The following ZNF189 variants were observed in gnomAD, a reference collection of about 807,000 sequenced individuals.
The protein encoded by ZNF189 is zinc finger protein 189.
ZNF189 carries 33 observed loss-of-function variants against 53.5 expected under a neutral mutation model. The observed-to-expected ratio is 0.62, with a 90% CI of 0.47 to 0.82. The LOEUF (loss-of-function observed/expected upper bound fraction) is 0.82, where lower values mean the gene tolerates loss of function less well. Among genes scored for constraint, ZNF189 ranks in the 40% least tolerant of loss-of-function variants. ZNF189 has a pLI of 0.00. For missense variants in ZNF189, 711 were observed against 753.9 expected (o/e 0.94, Z 0.67); for synonymous variants, 247 against 238.8 (o/e 1.03, Z -0.32).
At chr9:101,402,179 G>GT (rs1830562108) in intron 2 of ZNF189, among the ~76,000 whole-genome samples, 1 of 151,816 alleles carries the variant, frequency 6.6e-6, no homozygotes. Context: ...GCCTCCCAAA[G>GT]TGCTGGGATT....
intron 2 of ZNF189, among the ~76,000 whole-genome samples, chr9:101,400,327 A>T (rs944593163): frequency 6.6e-6 from 1 of 151,816 alleles, no homozygotes; most frequent in Non-Finnish European, 1.5e-5. Flanking sequence ...GTCTTCACAT[A>T]ATGTTCCTTC....
chr9:101,409,764 C>A lies in ZNF189; in HGVS notation c.*115C>A. 8.3e-7 allele frequency: 1 copy of A among 1,200,172 alleles called. No individual in the cohort carries two copies. Among genetic ancestry groups the A allele is most frequent in the Non-Finnish European group, 1.1e-6 (1 of 885,036 alleles). The allele number at this position is 1,200,172 out of a possible 1,614,324, so 74.3% of individuals were successfully genotyped here. A position where few individuals can be genotyped will look rare whatever the true frequency, so the allele number is the denominator to read the frequency against. ...AAAGCAAATTCTCCTTGGCCTCAGG[C>A]AAATAGTTTCTAAAGATTCTGTGAA... On this transcript the variant is annotated 3_prime_UTR_variant, in exon 3 of 3. Coordinates refer to ENST00000339664, the MANE Select transcript of ZNF189 (RefSeq NM_003452.4).
intron 2 of ZNF189, among the ~76,000 whole-genome samples, chr9:101,406,327 T>C (rs556937221): frequency 6.6e-6 from 1 of 151,712 alleles, no homozygotes; most frequent in Admixed American, 6.6e-5. Context: ...CAATAGAGAG[T>C]GTGTATTGAA....
rs1168641175 is a variant in ZNF189 at position 101,410,293 on chromosome 9, A to T, written c.*644A>T. The T allele has an allele frequency of 6.6e-6, 1 of 152,628 alleles. No homozygotes were observed. Among genetic ancestry groups the T allele is most frequent in the African/African-American group, 2.4e-5 (1 of 41,444 alleles). 9.5% of individuals were successfully genotyped at this position (152,628 alleles called of 1,614,324 possible). On this transcript the variant is annotated 3_prime_UTR_variant, in exon 3 of 3. Coordinates refer to ENST00000339664, the MANE Select transcript of ZNF189 (RefSeq NM_003452.4). ...AAACCTAACAAAGGTGTTACCAAGGAACCTTTGGGAGTGCCTTTTTTGTTT... is the reference window on the plus strand; with the variant it reads ...AAACCTAACAAAGGTGTTACCAAGGTACCTTTGGGAGTGCCTTTTTTGTTT...
Position 101,409,727 on chromosome 9 carries a change from A to C in ZNF189, c.*78A>C. 2.7e-6 allele frequency: 4 copies of C among 1,467,984 alleles called. No individual in the cohort carries two copies. In the East Asian group the frequency reaches 9.3e-5, roughly 34 times the overall value. 90.9% of individuals were successfully genotyped at this position (1,467,984 alleles called of 1,614,324 possible). ...GTTTTAGTATGGCTCAACATGGGTC[A>C]GATTTAGTGATAAAGCAAATTCTCC... On this transcript the variant is annotated 3_prime_UTR_variant, in exon 3 of 3. Transcript: ENST00000339664.
intron 2 of ZNF189, 69 bp from the exon 3 acceptor site, chr9:101,407,860 C>T (rs1830770423): frequency 1.4e-6 from 2 of 1,395,848 alleles, no homozygotes; most frequent in African/African-American, 2.9e-5. Flanking sequence ...TTTGTTTGCC[C>T]ATCTTACTTT....
chr9:101,409,663 C>G lies in ZNF189; in HGVS notation c.*14C>G. 2 of 1,577,002 alleles carry G rather than the reference C, an allele frequency of 1.3e-6. No homozygotes were observed. Among genetic ancestry groups the G allele is most frequent in the African/African-American group, 2.7e-5 (2 of 73,356 alleles). ...TGGATGCAATAAATGTAGAGCAATA[C>G]ATAAGCTCAATTTGATTTGAGACTA... On this transcript the variant is annotated 3_prime_UTR_variant, in exon 3 of 3. Transcript: ENST00000339664.
rs752398294 is a variant in ZNF189 at position 101,408,363 on chromosome 9, A to G, written c.595A>G (p.Thr199Ala). Residue 199 changes from threonine (T) to alanine (A), a missense_variant, in exon 3 of 3, where the codon ACT becomes GCT. Transcript: ENST00000339664. ...SFVIEHQRIH[T>A]GERPYECNYC... ...TGTTATTGAACATCAGAGAATTCAC[A>G]CTGGGGAAAGGCCCTATGAGTGTAA... 1.9e-6 allele frequency: 3 copies of G among 1,614,060 alleles called. No individual in the cohort carries two copies. The highest frequency in any genetic ancestry group is 2.7e-5 in the African/African-American group (2 of 74,932).
intron 2 of ZNF189, among the ~76,000 whole-genome samples, chr9:101,405,045 G>A (rs1157457580): frequency 6.6e-6 from 1 of 152,176 alleles, no homozygotes; most frequent in Admixed American, 6.5e-5. Flanking sequence ...TAGTAAATGA[G>A]ATATGTGAAG....
At chr9:101,399,826 A>C (rs1830465716) in intron 1 of ZNF189, 58 bp from the exon 2 acceptor site, 1 of 1,608,980 alleles carries the variant, frequency 6.2e-7, no homozygotes, top group Admixed American at 1.7e-5. Context: ...TGTCACTTTT[A>C]GTGGTAGAAT....
Position 101,408,282 on chromosome 9 carries a change from G to C in ZNF189, c.514G>C (p.Gly172Arg), listed in dbSNP as rs770852126. 8.7e-6 allele frequency: 14 copies of C among 1,613,996 alleles called. No individual in the cohort carries two copies. In the Admixed American group the frequency reaches 1.8e-4, roughly 21 times the overall value. The change falls in exon 3 of 3, where the codon GGT (glycine) becomes CGT (arginine). Residue 172 changes from glycine (G) to arginine (R), a missense_variant. Gly to Arg is a moderately radical substitution (Grantham distance 125). Transcript: ENST00000339664. Reference sequence around the variant, plus strand: ...CATTCAACATCAAAGGGTCCATACTGGTGAGAAACCTTTTCAGTGCAATGA... The same window carrying C: ...CATTCAACATCAAAGGGTCCATACTCGTGAGAAACCTTTTCAGTGCAATGA... ...HFIQHQRVHT[G>R]EKPFQCNECG...
chr9:101,407,803 G>A, intron 2 of ZNF189, 126 bp from the exon 3 acceptor site: 2 of 979,664 alleles, frequency 2.0e-6, no homozygotes, highest in South Asian at 4.0e-5. Flanking sequence ...ATCCTACCCT[G>A]TTTTCCTTGA....
At chr9:101,405,160 A>G (rs17772331) in intron 2 of ZNF189, among the ~76,000 whole-genome samples, 12,037 of 152,304 alleles carry the variant, frequency 0.079, 543 homozygotes, top group Middle Eastern at 0.16. Context: ...GAAGAGTTGT[A>G]TCATAGCAAA....
At chr9:101,406,806 C>T (rs778843450) in intron 2 of ZNF189, among the ~76,000 whole-genome samples, 9 of 152,224 alleles carry the variant, frequency 5.9e-5, no homozygotes, top group South Asian at 4.1e-4. Flanking sequence ...ATGTCCGAAG[C>T]GGGCCTAGAT....
chr9:101,408,992 C>T lies in ZNF189; in HGVS notation c.1224C>T (p.Ala408=). 6.2e-7 allele frequency: 1 copy of T among 1,614,026 alleles called. No homozygotes were observed. The change falls in exon 3 of 3, where the codon GCC becomes GCT. Residue 408 remains alanine, a synonymous_variant. Transcript: ENST00000339664. ...ATAAATGTGAGGAATGTGGAAAAGC[C>T]TTTAGTAGAAGCTCAGGTCTTATTC... ...KPHKCEECGK[A]FSRSSGLIQH...
At chr9:101,404,266 G>T (rs1272392576) in intron 2 of ZNF189, among the ~76,000 whole-genome samples, 1 of 152,124 alleles carries the variant, frequency 6.6e-6, no homozygotes. Context: ...TACATTTTGT[G>T]TCTGGTAATA....
intron 1 of ZNF189, among the ~76,000 whole-genome samples, 182 bp from the exon 2 acceptor site, chr9:101,399,702 T>TTTCTAGTCTGAGATGTCTGTCAGTTACAG (rs1830458466): frequency 6.6e-6 from 1 of 152,242 alleles, no homozygotes; most frequent in Admixed American, 6.5e-5. Context: ...CCGTAGGTCC[T>TTTCTAGTCTGAGATGTCTGTCAGTTACAG]TTCTAGTCTG....
chr9:101,408,190 C>G lies in ZNF189; in HGVS notation c.422C>G (p.Pro141Arg). The change falls in exon 3 of 3, where the codon CCA (proline) becomes CGA (arginine). Residue 141 changes from proline to arginine, a missense_variant. Pro to Arg is a moderately radical substitution (Grantham distance 103). Coordinates refer to ENST00000339664, the MANE Select transcript of ZNF189 (RefSeq NM_003452.4). ...AACACTAACATTATCCGTAAAAGAC[C>G]AAACTCAGAAGAGAAATGCCATAAA... ...RENTNIIRKRPNSEEKCHKCE... is the reference protein window; with the variant it reads ...RENTNIIRKRRNSEEKCHKCE... 2 of 1,614,068 alleles carry G rather than the reference C, an allele frequency of 1.2e-6. No homozygotes were observed. The highest frequency in any genetic ancestry group is 1.7e-6 in the Non-Finnish European group (2 of 1,180,016).
chr9:101,399,869 A>G lies in ZNF189; in HGVS notation c.34-15A>G. ...GAGACAACAGGAACTGACTACAGAAATCATACTATTTCAGGGGTTGCTGAC... is the reference window on the plus strand; with the variant it reads ...GAGACAACAGGAACTGACTACAGAAGTCATACTATTTCAGGGGTTGCTGAC... On this transcript the variant is annotated splice_polypyrimidine_tract_variant and intron_variant, in intron 1 of 2. Coordinates refer to ENST00000339664, the MANE Select transcript of ZNF189 (RefSeq NM_003452.4). 6.2e-7 allele frequency: 1 copy of G among 1,614,034 alleles called. No homozygotes were observed. Among genetic ancestry groups the G allele is most frequent in the Non-Finnish European group, 8.5e-7 (1 of 1,179,960 alleles).
Sources: gnomAD v4.1 joint callset for allele counts (sites outside exome capture counted in the v4.1 genomes callset) on GRCh38, gnomAD v4.1.1 for gene constraint, MANE v1.5 for transcripts, NCBI Gene and HGNC (gene_info 2026-07-23, HGNC 2026-07-21) for gene names.